Variants in JUP observed in about 807,000 individuals in gnomAD.
JUP encodes the protein junction plakoglobin.
Under a neutral mutation model 71.1 loss-of-function variants are expected in JUP, and 28 were observed. That is an observed-to-expected ratio of 0.39 (90% CI 0.29 to 0.54). The LOEUF (loss-of-function observed/expected upper bound fraction) is 0.54, where lower values mean the gene tolerates loss of function less well. Ranked by LOEUF, JUP falls within the 20% of genes least tolerant of loss-of-function variation. JUP has a pLI of 0.62. For synonymous variants in JUP, 401 were observed against 438.9 expected (o/e 0.91, Z 1.08); for missense variants, 869 against 1,030.1 (o/e 0.84, Z 2.14).
rs1189245963 is a variant in JUP, at chr17:41,783,706, G to A, written c.-9+2882C>T. On this transcript the variant is annotated intron_variant, in intron 1 of 13. Transcript: ENST00000393931. Reference sequence around the variant, plus strand: ...GAGGCCGGGGCGGGCGAATCACGAGGTCAGGAGATCAAGACCAGCCTGCGC... The same window carrying A: ...GAGGCCGGGGCGGGCGAATCACGAGATCAGGAGATCAAGACCAGCCTGCGC... Among the ~76,000 whole-genome samples, 4 of 151,852 alleles carry A rather than the reference G, an allele frequency of 2.6e-5. No homozygotes were observed. The East Asian group carries it at 7.8e-4, about 30-fold the overall frequency.
intron 1 of JUP, among the ~76,000 whole-genome samples, chr17:41,779,146 G>C (rs535065132): frequency 1.7e-4 from 25 of 150,812 alleles, no homozygotes; most frequent in African/African-American, 5.8e-4. Flanking sequence ...TGAGGCAGGA[G>C]AATCGCTTGA....
intron 2 of JUP, 190 bp downstream of exon 2, chr17:41,771,457 A>AC (rs1230023681): frequency 1.6e-6 from 1 of 617,900 alleles, no homozygotes; most frequent in Non-Finnish European, 2.9e-6. Context: ...GGATTCTGTG[A>AC]CCCTCCCAGA....
chr17:41,761,181 C>A (rs1443980529), intron 8 of JUP, among the ~76,000 whole-genome samples: 1 of 152,238 alleles, frequency 6.6e-6, no homozygotes, highest in East Asian at 1.9e-4. Context: ...ACACACCCAA[C>A]TCCCTATGGG....
intron 1 of JUP, chr17:41,775,866 GCCT>G (rs1364184237): frequency 3.8e-6 from 2 of 522,542 alleles, no homozygotes; most frequent in Non-Finnish European, 4.9e-6. Flanking sequence ...CTTCTTTCCT[GCCT>G]CCTCCTCTGC....
chr17:41,777,838 A>C (rs1282750705), intron 1 of JUP, among the ~76,000 whole-genome samples: 1 of 152,194 alleles, frequency 6.6e-6, no homozygotes, highest in Non-Finnish European at 1.5e-5. Context: ...GCCACGGCCA[A>C]GTGGCTCGAC....
In JUP at chr17:41,765,174, C is replaced by T. The variant is rs1213961812; in HGVS notation, c.910-107G>A. The T allele has an allele frequency of 3.6e-6, 4 of 1,099,996 alleles. No individual in the cohort carries two copies. The East Asian group carries it at 7.2e-5, about 20-fold the overall frequency. 68.1% of individuals were successfully genotyped at this position (1,099,996 alleles called of 1,614,324 possible). ...TCATTACTGAGCTTCAGCTAAAGCACGAATAGTTCGTTTTTTTCTTTTAAT... is the reference window on the plus strand; with the variant it reads ...TCATTACTGAGCTTCAGCTAAAGCATGAATAGTTCGTTTTTTTCTTTTAAT... On this transcript the variant is annotated intron_variant, in intron 5 of 13. Coordinates refer to ENST00000393931, the MANE Select transcript of JUP (RefSeq NM_002230.4).
chr17:41,755,197 C>G lies in JUP; in HGVS notation c.*547G>C. On this transcript the variant is annotated 3_prime_UTR_variant, in exon 14 of 14. Transcript: ENST00000393931. ...TTGCTGGGGGAAAACAGAATGGGTA[C>G]TTGAGTCTGAAGCTTTAGTGGCCAG... 2.5e-6 allele frequency: 1 copy of G among 398,550 alleles called. No homozygotes were observed. The highest frequency in any genetic ancestry group is 4.4e-6 in the Non-Finnish European group (1 of 226,424). 24.7% of individuals were successfully genotyped at this position (398,550 alleles called of 1,614,324 possible).
chr17:41,777,613 G>A (rs1171334886), intron 1 of JUP, among the ~76,000 whole-genome samples: 1 of 152,232 alleles, frequency 6.6e-6, no homozygotes, highest in African/African-American at 2.4e-5. Flanking sequence ...AACTGAAGCA[G>A]GAGCTGTCAG....
At position 41,755,270 on chromosome 17, in the gene JUP, G is replaced by A. The variant is rs546217992; in HGVS notation, c.*474C>T. 173 of 399,560 alleles carry A rather than the reference G, an allele frequency of 4.3e-4. No individual in the cohort carries two copies. Among genetic ancestry groups the A allele is most frequent in the African/African-American group, 3.2e-3 (156 of 48,738 alleles). 24.8% of individuals were successfully genotyped at this position (399,560 alleles called of 1,614,324 possible). ...TGTCAGGCCCTGGACCCATGCCCAG[G>A]ACAGAAAAGCAGGAGCAGAACACTA... On this transcript the variant is annotated 3_prime_UTR_variant, in exon 14 of 14. Coordinates refer to ENST00000393931, the MANE Select transcript of JUP (RefSeq NM_002230.4).
intron 1 of JUP, chr17:41,773,058 G>A (rs1457137773): frequency 2.1e-6 from 2 of 935,564 alleles, no homozygotes; most frequent in South Asian, 9.9e-5. Context: ...CAGAAACTGA[G>A]GTTAGAAATG....
At position 41,757,723 on chromosome 17, in the gene JUP, G is replaced by T. The variant is rs965652634; in HGVS notation, c.1835C>A (p.Ala612Asp). ...GGCGTCGGCCGCCTCCTTGTCCTGG[G>T]CCAGCTCACACAGCACCCCGGCAGC... ...RVAAGVLCEL[A>D]QDKEAADAID... is the part of the protein sequence containing the mutation. The change falls in exon 11 of 14, where the codon GCC becomes GAC. Residue 612 changes from alanine (A) to aspartate (D), a missense_variant. Physicochemically the swap from Ala to Asp is moderately radical, Grantham distance 126. Transcript: ENST00000393931. The T allele has an allele frequency of 5.0e-6, 8 of 1,613,232 alleles. No homozygotes were observed. Among genetic ancestry groups the T allele is most frequent in the Non-Finnish European group, 6.8e-6 (8 of 1,179,538 alleles).
chr17:41,763,283 C>T lies in JUP; in HGVS notation c.1197G>A (p.Gln399=), dbSNP rs782389769. The T allele has an allele frequency of 1.2e-6, 2 of 1,614,164 alleles. No individual in the cohort carries two copies. Among genetic ancestry groups the T allele is most frequent in the South Asian group, 2.2e-5 (2 of 91,088 alleles). The change falls in exon 8 of 14, where the codon CAG becomes CAA. Residue 399 remains glutamine (Q), a synonymous_variant. Coordinates refer to ENST00000393931, the MANE Select transcript of JUP (RefSeq NM_002230.4). The part of the protein sequence containing the change: ...LESVLKILVN[Q]LSVDDVNVLT... ...GGACGTTGACGTCATCCACACTCAG[C>T]TGATTCACCAGAATCTTCAGCACAC...
chr17:41,764,625 T>A, intron 7 of JUP, 88 bp downstream of exon 7: 11 of 906,422 alleles, frequency 1.2e-5, no homozygotes, highest in Middle Eastern at 3.7e-4. Context: ...CCCCCAGTCC[T>A]CCCACAGTAC....
At chr17:41,764,534 GA>G (rs1555603054) in intron 7 of JUP, among the ~76,000 whole-genome samples, 178 bp downstream of exon 7, 19 of 83,908 alleles carry the variant, frequency 2.3e-4, no homozygotes, top group East Asian at 1.0e-3. Flanking sequence ...GACTCCGTCA[GA>G]AAAAAAAAAA....
chr17:41,767,046 CAAA>C (rs57624378), intron 5 of JUP, among the ~76,000 whole-genome samples: 17 of 75,632 alleles, frequency 2.2e-4, no homozygotes, highest in Admixed American at 3.2e-4. Flanking sequence ...GACCCTGTCT[CAAA>C]AAAAAAAAAA....
rs782400824 is a variant in JUP, at chr17:41,762,962, C to T, written c.1497+21G>A. Reference sequence around the variant, plus strand: ...CTAAGCCTGCTGCAGGGAGCTCCTTCCCCTCGCCTAACAGCAGTACCTTGA... The same window carrying T: ...CTAAGCCTGCTGCAGGGAGCTCCTTTCCCTCGCCTAACAGCAGTACCTTGA... On this transcript the variant is annotated intron_variant, in intron 8 of 13. Transcript: ENST00000393931. 3.1e-6 allele frequency: 5 copies of T among 1,609,710 alleles called. No individual in the cohort carries two copies. In the Admixed American group the frequency reaches 6.7e-5, roughly 21 times the overall value.
In JUP at chr17:41,769,568, C is replaced by T. The variant is rs1555605856; in HGVS notation, c.318G>A (p.Val106=). Residue 106 remains valine (V), a synonymous_variant, in exon 3 of 14, where the codon GTG becomes GTA. Coordinates refer to ENST00000393931, the MANE Select transcript of JUP (RefSeq NM_002230.4). Reference sequence around the variant, plus strand: ...GCTGCAGGTTGGTGGCCTGCCCCTCCACCTGGGTGGCCAGCAGAAGCGAGC... The same window carrying T: ...GCTGCAGGTTGGTGGCCTGCCCCTCTACCTGGGTGGCCAGCAGAAGCGAGC... The part of the protein sequence containing the change: ...EDSSLLLATQ[V]EGQATNLQRL... 3 of 1,607,652 alleles carry T rather than the reference C, an allele frequency of 1.9e-6. No homozygotes were observed. The Admixed American group carries it at 5.1e-5, about 27-fold the overall frequency.
chr17:41,781,883 C>A (rs2047183704), intron 1 of JUP, among the ~76,000 whole-genome samples: 1 of 152,196 alleles, frequency 6.6e-6, no homozygotes, highest in Non-Finnish European at 1.5e-5. Flanking sequence ...GTGCATCGGG[C>A]CTGCAGCTCT....
intron 5 of JUP, among the ~76,000 whole-genome samples, chr17:41,765,888 T>G (rs1212902367): frequency 6.6e-6 from 1 of 152,182 alleles, no homozygotes; most frequent in Non-Finnish European, 1.5e-5. Context: ...ATTACAGCAT[T>G]GTTTATAAAG....
Sources: allele counts gnomAD v4.1 joint callset (sites outside exome capture counted in the v4.1 genomes callset), GRCh38; gene constraint gnomAD v4.1.1; transcripts MANE v1.5; gene names NCBI Gene and HGNC (gene_info 2026-07-23, HGNC 2026-07-21).